The following CNOT4 variants were observed in gnomAD, a reference collection of about 807,000 sequenced individuals.
CNOT4 encodes the protein CCR4-associated factor 4.
In CNOT4, 8 loss-of-function variants were observed where a neutral mutation model predicts 73.8. The ratio of observed to expected loss-of-function variants is 0.11; its 90% CI spans 0.06 to 0.20. The LOEUF (loss-of-function observed/expected upper bound fraction) is 0.20. Among genes scored for constraint, CNOT4 ranks in the 10% least tolerant of loss-of-function variants. The probability of loss-of-function intolerance (pLI) is 1.00; values close to 1 mark genes in which losing one functional copy is unlikely to be tolerated. For missense variants in CNOT4, 564 were observed against 883.4 expected, an observed-to-expected ratio of 0.64 and a Z score of 4.58; for synonymous variants, 293 against 321.1, an observed-to-expected ratio of 0.91 and a Z score of 0.94.
At chr7:135,366,083 G>C (rs1585537471) in intron 10 of CNOT4, among the ~76,000 whole-genome samples, 2 of 152,262 alleles carry the variant, frequency 1.3e-5, no homozygotes, top group South Asian at 2.1e-4. Flanking sequence ...AACTACATGG[G>C]AACATTTTCA....
intron 10 of CNOT4, among the ~76,000 whole-genome samples, chr7:135,385,683 A>G (rs530066094): frequency 7.2e-5 from 11 of 152,334 alleles, no homozygotes; most frequent in African/African-American, 2.4e-4. Flanking sequence ...AATTTGAAAT[A>G]TAAGTATTCA....
chr7:135,503,336 G>A (rs1297463932), intron 1 of CNOT4, among the ~76,000 whole-genome samples: 1 of 151,866 alleles, frequency 6.6e-6, no homozygotes, highest in East Asian at 1.9e-4. Flanking sequence ...ATGGTCCTGT[G>A]CCTGTAGTCA....
At chr7:135,374,309 A>G (rs942169766) in intron 10 of CNOT4, among the ~76,000 whole-genome samples, 3 of 152,240 alleles carry the variant, frequency 2.0e-5, no homozygotes, top group African/African-American at 7.2e-5. Context: ...AAAGTAATGT[A>G]TTCTTTGGAT....
chr7:135,398,184 A>G lies in CNOT4; in HGVS notation c.864T>C (p.Gly288=). 1.3e-6 allele frequency: 2 copies of G among 1,548,372 alleles called. No individual in the cohort carries two copies. The highest frequency in any genetic ancestry group is 1.8e-6 in the Non-Finnish European group (2 of 1,121,194). ...CAAATCTTACCTGCTGGGAATTATC[A>G]CCGTTCCCTATACTGAGAGAATCTG... ...KPSDSLSIGN[G]DNSQQISNSD... is the part of the protein sequence containing the mutation. The change falls in exon 8 of 12, where the codon GGT becomes GGC. Residue 288 remains glycine, a synonymous_variant. Transcript: ENST00000541284.
At chr7:135,448,583 C>A (rs113697050) in intron 1 of CNOT4, among the ~76,000 whole-genome samples, 2,089 of 149,804 alleles carry the variant, frequency 0.014, 23 homozygotes, top group Middle Eastern at 0.031. Flanking sequence ...GAAGGAAGGA[C>A]CCATATACCA....
intron 9 of CNOT4, among the ~76,000 whole-genome samples, chr7:135,394,770 T>C (rs1796588726): frequency 6.6e-6 from 1 of 152,202 alleles, no homozygotes; most frequent in South Asian, 2.1e-4. Flanking sequence ...GTAAAGTTGA[T>C]TTTTAAATGT....
chr7:135,491,213 C>T (rs1425660444), intron 1 of CNOT4, among the ~76,000 whole-genome samples: 8 of 152,090 alleles, frequency 5.3e-5, no homozygotes, highest in Non-Finnish European at 8.8e-5. Context: ...TAAGGAGTTA[C>T]GGAGAGAGAT....
At chr7:135,483,543 G>A (rs1437471249) in intron 1 of CNOT4, among the ~76,000 whole-genome samples, 1 of 151,918 alleles carries the variant, frequency 6.6e-6, no homozygotes, top group Non-Finnish European at 1.5e-5. Context: ...ACTCCAAGCA[G>A]GCCAGGTGCG....
chr7:135,450,992 A>C (rs1800124162), intron 1 of CNOT4, among the ~76,000 whole-genome samples: 1 of 152,150 alleles, frequency 6.6e-6, no homozygotes, highest in South Asian at 2.1e-4. Context: ...AAAGAGGGTA[A>C]AAAAAGAGTA....
chr7:135,467,391 A>G (rs1190271724), intron 1 of CNOT4, among the ~76,000 whole-genome samples: 1 of 152,138 alleles, frequency 6.6e-6, no homozygotes, highest in Non-Finnish European at 1.5e-5. Context: ...AGCCTTCTTT[A>G]GTCAACACTT....
intron 7 of CNOT4, among the ~76,000 whole-genome samples, chr7:135,407,804 G>T (rs1049678876): frequency 6.6e-6 from 1 of 152,178 alleles, no homozygotes; most frequent in East Asian, 1.9e-4. Context: ...GGGATTACAG[G>T]CATGTGCCAC....
intron 10 of CNOT4, chr7:135,386,447 T>C (rs994914564): frequency 6.6e-6 from 1 of 152,204 alleles, no homozygotes; most frequent in African/African-American, 2.4e-5. Flanking sequence ...TTAAAGAATT[T>C]CTCATTCTTC....
chr7:135,509,038 G>T (rs1804557268), intron 1 of CNOT4: 1 of 152,170 alleles, frequency 6.6e-6, no homozygotes, highest in Admixed American at 6.5e-5. Flanking sequence ...CTGAATAAAA[G>T]ATCTTCACTC....
At chr7:135,461,294 CAAAA>C (rs2129486316) in intron 1 of CNOT4, among the ~76,000 whole-genome samples, 1 of 151,908 alleles carries the variant, frequency 6.6e-6, no homozygotes, top group South Asian at 2.1e-4. Flanking sequence ...GTCTAGTGTG[CAAAA>C]AAGAAATAAG....
At chr7:135,450,652 C>T (rs562073738) in intron 1 of CNOT4, among the ~76,000 whole-genome samples, 2 of 152,184 alleles carry the variant, frequency 1.3e-5, no homozygotes, top group Non-Finnish European at 2.9e-5. Flanking sequence ...CTGTGCCCAG[C>T]TACAGTCAGA....
chr7:135,470,111 C>T (rs140634368), intron 1 of CNOT4, among the ~76,000 whole-genome samples: 3 of 151,852 alleles, frequency 2.0e-5, no homozygotes, highest in East Asian at 1.9e-4. Flanking sequence ...GAGTGAGACA[C>T]CGTGCCGAGC....
rs1029995947 is a variant in CNOT4, at chr7:135,362,526, T to C, written c.*359A>G. ...TAATGCATTTACTTGAGCTTTCCTA[T>C]AGATTAATCGTCATTTTCTGCTAAG... On this transcript the variant is annotated 3_prime_UTR_variant, in exon 12 of 12. Coordinates refer to ENST00000541284, the MANE Select transcript of CNOT4 (RefSeq NM_001190850.2). The C allele has an allele frequency of 5.3e-6, 2 of 380,172 alleles. No individual in the cohort carries two copies. Among genetic ancestry groups the C allele is most frequent in the East Asian group, 6.4e-5 (1 of 15,576 alleles). The allele number at this position is 380,172 out of a possible 1,614,324, so 23.5% of individuals were successfully genotyped here. A position where few individuals can be genotyped will look rare whatever the true frequency, so the allele number is the denominator to read the frequency against.
At chr7:135,450,516 G>A (rs1209069082) in intron 1 of CNOT4, among the ~76,000 whole-genome samples, 4 of 152,078 alleles carry the variant, frequency 2.6e-5, no homozygotes, top group South Asian at 2.1e-4. Context: ...ACCACGCCTG[G>A]CTAATTTTTG....
intron 7 of CNOT4, among the ~76,000 whole-genome samples, chr7:135,407,862 T>G (rs1289509628): frequency 6.6e-6 from 1 of 152,164 alleles, no homozygotes; most frequent in Non-Finnish European, 1.5e-5. Context: ...CAATACTGAT[T>G]TACAAATTCA....
Sources: allele counts gnomAD v4.1 joint callset (sites outside exome capture counted in the v4.1 genomes callset), GRCh38; gene constraint gnomAD v4.1.1; transcripts MANE v1.5; gene names NCBI Gene and HGNC (gene_info 2026-07-23, HGNC 2026-07-21).